Variants in MECOM observed in about 807,000 individuals in gnomAD.
The protein encoded by MECOM is MDS1 and EVI1 complex locus.
MECOM carries 13 observed loss-of-function variants against 116.3 expected under a neutral mutation model. That is an observed-to-expected ratio of 0.11 (90% confidence interval 0.07 to 0.18). The LOEUF is 0.18. Ranked by LOEUF, MECOM falls within the 10% of genes least tolerant of loss-of-function variation. MECOM has a pLI of 1.00. For synonymous variants in MECOM, 528 were observed against 535.2 expected (o/e 0.99, Z 0.19); for missense variants, 1,299 against 1,509.0 (o/e 0.86, Z 2.31).
chr3:169,147,245 G>T, intron 2 of MECOM: 1 of 985,604 alleles, frequency 1.0e-6, no homozygotes, highest in African/African-American at 1.7e-5. Flanking sequence ...AGTTTGAAAA[G>T]GTGGGGGGCC....
intron 14 of MECOM, 123 bp from the exon 15 acceptor site, chr3:169,090,359 T>C (rs1719291145): frequency 1.2e-6 from 1 of 828,898 alleles, no homozygotes; most frequent in African/African-American, 1.7e-5. Context: ...GGAAATGTTT[T>C]ATTGTTTATG....
intron 1 of MECOM, among the ~76,000 whole-genome samples, chr3:169,465,386 A>G (rs1212545063): frequency 6.6e-6 from 1 of 152,218 alleles, no homozygotes; most frequent in African/African-American, 2.4e-5. Context: ...TTTAATATGT[A>G]TAAAGTGCTC....
intron 1 of MECOM, among the ~76,000 whole-genome samples, chr3:169,542,337 A>G (rs1181532368): frequency 7.3e-6 from 1 of 137,552 alleles, no homozygotes; most frequent in East Asian, 4.1e-4. Flanking sequence ...AAAAAAAAAA[A>G]GAACAGACTT....
rs554387438 is a variant in MECOM, at chr3:169,482,161, C to T, written c.38-100637G>A. Among the ~76,000 whole-genome samples, 1,157 of 151,358 alleles carry T rather than the reference C, an allele frequency of 7.6e-3. 12 individuals are homozygous for T. The highest frequency in any genetic ancestry group is 0.011 in the Non-Finnish European group (745 of 67,896). ...ACGATCTTATTAGAGAAAAAAAAAG[C>T]AACTAAAAAAAAGGGGTCTAAATCT... On this transcript the variant is annotated intron_variant, in intron 1 of 16. Transcript: ENST00000651503.
intron 1 of MECOM, among the ~76,000 whole-genome samples, chr3:169,499,105 A>C (rs1208296725): frequency 6.6e-6 from 1 of 151,970 alleles, no homozygotes; most frequent in African/African-American, 2.4e-5. Flanking sequence ...TGAGTATATA[A>C]ATATCCATAT....
At chr3:169,247,137 C>T (rs564580209) in intron 2 of MECOM, among the ~76,000 whole-genome samples, 107 of 152,086 alleles carry the variant, frequency 7.0e-4, no homozygotes, top group African/African-American at 2.5e-3. Context: ...TTGCAAAAAA[C>T]CTCTGAAACT....
In MECOM at chr3:169,663,498, CT is replaced by C. The variant is rs1776605363; in HGVS notation, c.-127del. On this transcript the variant is annotated 5_prime_UTR_variant, in exon 1 of 17. Transcript: ENST00000651503. The stretch of plus-strand genomic sequence containing the variant: ...TGTCTCTCTCTCTCTCTCTCTCTCT[CT>C]CTCTCTCTCTCTCTCTCTCTCTCTC... 9 of 650,390 alleles carry C rather than the reference CT, an allele frequency of 1.4e-5. No homozygotes were observed. In the South Asian group the frequency reaches 1.5e-4, roughly 11 times the overall value. The allele number at this position is 650,390 out of a possible 1,614,324, so 40.3% of individuals were successfully genotyped here. A position where few individuals can be genotyped will look rare whatever the true frequency, so the allele number is the denominator to read the frequency against.
intron 2 of MECOM, among the ~76,000 whole-genome samples, chr3:169,271,263 G>T (rs1758913263): frequency 6.6e-6 from 1 of 152,160 alleles, no homozygotes; most frequent in African/African-American, 2.4e-5. Context: ...GCAGCCCCCA[G>T]CCCTGAGCAC....
At chr3:169,420,872 C>A (rs1284764437) in intron 1 of MECOM, among the ~76,000 whole-genome samples, 2 of 152,050 alleles carry the variant, frequency 1.3e-5, no homozygotes, top group Non-Finnish European at 2.9e-5. Flanking sequence ...TATAAATGAA[C>A]CTTGAAGATA....
intron 2 of MECOM, among the ~76,000 whole-genome samples, chr3:169,307,617 CCTTA>C (rs563648794): frequency 8.5e-5 from 13 of 152,212 alleles, no homozygotes; most frequent in African/African-American, 2.9e-4. Context: ...TAAGATACAT[CCTTA>C]CTTATAAGTG....
intron 2 of MECOM, among the ~76,000 whole-genome samples, chr3:169,175,879 G>A (rs1577255303): frequency 6.6e-6 from 1 of 152,100 alleles, no homozygotes; most frequent in African/African-American, 2.4e-5. Flanking sequence ...AACCACAGGA[G>A]CTAAATATCA....
At chr3:169,437,485 T>G (rs1742854139) in intron 1 of MECOM, among the ~76,000 whole-genome samples, 1 of 152,186 alleles carries the variant, frequency 6.6e-6, no homozygotes, top group African/African-American at 2.4e-5. Flanking sequence ...ATCTCCAAGA[T>G]TAGTTAACAT....
intron 1 of MECOM, among the ~76,000 whole-genome samples, chr3:169,428,487 A>G (rs1741086304): frequency 6.6e-6 from 1 of 152,154 alleles, no homozygotes; most frequent in Admixed American, 6.5e-5. Flanking sequence ...ACAGCTGCTC[A>G]CCTTCTGCTA....
intron 1 of MECOM, among the ~76,000 whole-genome samples, chr3:169,423,806 C>T (rs1418060307): frequency 1.3e-5 from 2 of 152,034 alleles, no homozygotes; most frequent in Non-Finnish European, 2.9e-5. Context: ...TCTCCTAAGC[C>T]CCATTTAAGC....
At chr3:169,619,114 G>T (rs938479685) in intron 1 of MECOM, among the ~76,000 whole-genome samples, 31 of 152,180 alleles carry the variant, frequency 2.0e-4, no homozygotes, top group African/African-American at 7.2e-4. Flanking sequence ...AAAATATGGT[G>T]GCATTTTCAC....
chr3:169,133,747 C>G (rs1425177178), intron 3 of MECOM, among the ~76,000 whole-genome samples: 2 of 152,110 alleles, frequency 1.3e-5, no homozygotes, highest in Non-Finnish European at 2.9e-5. Context: ...ACACTGAGAA[C>G]AGTTCTTTTT....
At chr3:169,284,956 T>C (rs759244966) in intron 2 of MECOM, among the ~76,000 whole-genome samples, 3 of 151,972 alleles carry the variant, frequency 2.0e-5, no homozygotes, top group Admixed American at 6.6e-5. Flanking sequence ...AGAGGGGAGG[T>C]TGCCCTTCAC....
intron 7 of MECOM, among the ~76,000 whole-genome samples, chr3:169,117,996 T>C (rs57121017): frequency 0.029 from 4,411 of 152,252 alleles, 203 homozygotes; most frequent in African/African-American, 0.1. Context: ...GCAAATTTAT[T>C]TTAAGAAATT....
intron 2 of MECOM, among the ~76,000 whole-genome samples, chr3:169,332,188 A>G (rs1722861213): frequency 6.6e-6 from 1 of 152,148 alleles, no homozygotes; most frequent in Admixed American, 6.6e-5. Flanking sequence ...TTACTAGGAC[A>G]TAGGTAGGAC....
Sources: gnomAD v4.1 joint callset for allele counts (sites outside exome capture counted in the v4.1 genomes callset) on GRCh38, gnomAD v4.1.1 for gene constraint, MANE v1.5 for transcripts, NCBI Gene and HGNC (gene_info 2026-07-23, HGNC 2026-07-21) for gene names.